Variants in VAV3 observed in about 807,000 individuals in gnomAD.
VAV3 encodes the protein vav guanine nucleotide exchange factor 3.
Under a neutral mutation model 131.2 loss-of-function variants are expected in VAV3, and 94 were observed. That is an observed-to-expected ratio of 0.72 (90% CI 0.61 to 0.85). The LOEUF is 0.85. Among genes scored for constraint, VAV3 ranks in the 40% least tolerant of loss-of-function variants. The pLI, the probability that VAV3 is intolerant of heterozygous loss-of-function variation, is 0.00. For missense variants in VAV3, 939 were observed against 1,002.7 expected (o/e 0.94, Z 0.86); for synonymous variants, 349 against 342.0 (o/e 1.02, Z -0.22).
intron 25 of VAV3, chr1:107,578,618 C>CT (rs1284246653): frequency 7.7e-5 from 15 of 193,562 alleles, no homozygotes; most frequent in Non-Finnish European, 1.3e-4. Flanking sequence ...TTCTTTCTTT[C>CT]TTTTTTTTGA....
At chr1:107,660,808 G>A (rs1656955107) in intron 19 of VAV3, among the ~76,000 whole-genome samples, 1 of 152,076 alleles carries the variant, frequency 6.6e-6, no homozygotes, top group African/African-American at 2.4e-5. Flanking sequence ...ACAGGGAAAA[G>A]GAAAATTATA....
chr1:107,703,239 A>T (rs1272097402), intron 17 of VAV3, among the ~76,000 whole-genome samples: 3 of 152,166 alleles, frequency 2.0e-5, no homozygotes, highest in Non-Finnish European at 4.4e-5. Flanking sequence ...GATAAATTCT[A>T]TTGGGGTGGC....
chr1:107,817,770 G>T lies in VAV3; in HGVS notation c.322-38278C>A, dbSNP rs540525496. 3.3e-5 allele frequency among the ~76,000 whole-genome samples: 5 copies of T among 152,170 alleles called. No homozygotes were observed. The South Asian group carries it at 1.0e-3, about 32-fold the overall frequency. On this transcript the variant is annotated intron_variant, in intron 2 of 26. Transcript: ENST00000370056. ...GACAGGACCACATCAGTCAGAGCTA[G>T]CATAAACCTATAGTTGTGCCAAGGC...
chr1:107,613,532 T>C (rs997396638), intron 21 of VAV3, among the ~76,000 whole-genome samples: 3 of 152,170 alleles, frequency 2.0e-5, no homozygotes, highest in Non-Finnish European at 4.4e-5. Context: ...ATCATTTTCA[T>C]ATATACCCAA....
At chr1:107,593,014 T>C (rs1162810832) in intron 25 of VAV3, among the ~76,000 whole-genome samples, 1 of 152,126 alleles carries the variant, frequency 6.6e-6, no homozygotes, top group Non-Finnish European at 1.5e-5. Context: ...CTGAGTTCTC[T>C]CTTTGTTCTT....
intron 25 of VAV3, among the ~76,000 whole-genome samples, chr1:107,591,115 T>C (rs964898183): frequency 6.6e-6 from 1 of 152,068 alleles, no homozygotes; most frequent in African/African-American, 2.4e-5. Flanking sequence ...GCTATGCAGG[T>C]TCCCTATTGG....
intron 23 of VAV3, 67 bp from the exon 24 acceptor site, chr1:107,602,551 A>C: frequency 8.1e-7 from 1 of 1,231,930 alleles, no homozygotes; most frequent in Non-Finnish European, 1.1e-6. Flanking sequence ...TAATTACCAG[A>C]GGGCATGCCC....
chr1:107,808,139 T>C (rs1401320133), intron 2 of VAV3, among the ~76,000 whole-genome samples: 1 of 152,152 alleles, frequency 6.6e-6, no homozygotes, highest in Non-Finnish European at 1.5e-5. Context: ...CTGGGAAGCT[T>C]TGCTGACATA....
chr1:107,826,977 T>C (rs1195254524), intron 2 of VAV3, among the ~76,000 whole-genome samples: 1 of 152,182 alleles, frequency 6.6e-6, no homozygotes, highest in Non-Finnish European at 1.5e-5. Context: ...CCATTTGCTG[T>C]ATAAATCTTA....
At position 107,766,478 on chromosome 1, in the gene VAV3, A is replaced by G. The variant is rs761344285; in HGVS notation, c.790T>C (p.Leu264=). ...DSIVNKNDQN[L]YQVFINYKER... ...TTGTAGTTAATAAAAACTTGGTACA[A>G]GTTCTGGTCATTTTTATTTACAATG... Residue 264 remains leucine, a synonymous_variant, in exon 8 of 27, where the codon TTG becomes CTG. Coordinates refer to ENST00000370056, the MANE Select transcript of VAV3 (RefSeq NM_006113.5). 3 of 1,613,300 alleles carry G rather than the reference A, an allele frequency of 1.9e-6. No individual in the cohort carries two copies. In the South Asian group the frequency reaches 3.3e-5, roughly 18 times the overall value.
At chr1:107,629,415 A>C (rs1205554337) in intron 20 of VAV3, among the ~76,000 whole-genome samples, 1 of 152,218 alleles carries the variant, frequency 6.6e-6, no homozygotes, top group Non-Finnish European at 1.5e-5. Context: ...CTTTTTTATC[A>C]CATATTGCAA....
chr1:107,580,344 C>A (rs1052102632), intron 25 of VAV3, among the ~76,000 whole-genome samples: 1 of 152,146 alleles, frequency 6.6e-6, no homozygotes, highest in South Asian at 2.1e-4. Context: ...GCAAAGAAAG[C>A]GAAATATATT....
chr1:107,573,430 A>T, intron 26 of VAV3, 58 bp from the exon 27 acceptor site: 1 of 1,603,872 alleles, frequency 6.2e-7, no homozygotes, highest in East Asian at 2.2e-5. Context: ...ACTTCAAAGG[A>T]TTCTACAAAC....
chr1:107,596,163 C>G (rs1380176495), intron 25 of VAV3, 49 bp downstream of exon 25: 1 of 1,591,928 alleles, frequency 6.3e-7, no homozygotes, highest in Non-Finnish European at 8.6e-7. Context: ...GTTATTGTGC[C>G]CCTAATTTTT....
intron 25 of VAV3, 104 bp downstream of exon 25, chr1:107,596,108 G>C: frequency 7.0e-7 from 1 of 1,437,238 alleles, no homozygotes; most frequent in South Asian, 1.4e-5. Flanking sequence ...ATGCATTAGC[G>C]CATCCATTGG....
At chr1:107,940,651 A>C (rs535898254) in intron 1 of VAV3, among the ~76,000 whole-genome samples, 2 of 152,338 alleles carry the variant, frequency 1.3e-5, no homozygotes, top group East Asian at 3.9e-4. Flanking sequence ...TAGCCTTAGA[A>C]AGGAAAGAAA....
chr1:107,632,728 T>C (rs550648542), intron 20 of VAV3, among the ~76,000 whole-genome samples: 21 of 152,352 alleles, frequency 1.4e-4, no homozygotes, highest in Admixed American at 1.3e-3. Flanking sequence ...ATTGAAGTGT[T>C]AGCAGTGTCT....
chr1:107,926,384 G>A (rs938605362), intron 1 of VAV3, among the ~76,000 whole-genome samples: 1 of 152,178 alleles, frequency 6.6e-6, no homozygotes, highest in African/African-American at 2.4e-5. Flanking sequence ...AGGGGGTAGA[G>A]CAAGATGGTG....
At chr1:107,797,863 TG>T (rs981025013) in intron 2 of VAV3, among the ~76,000 whole-genome samples, 1 of 152,216 alleles carries the variant, frequency 6.6e-6, no homozygotes, top group African/African-American at 2.4e-5. Context: ...AATAGATTGC[TG>T]GGCTTCACCA....
Sources: gnomAD v4.1 joint callset for allele counts (sites outside exome capture counted in the v4.1 genomes callset) on GRCh38, gnomAD v4.1.1 for gene constraint, MANE v1.5 for transcripts, NCBI Gene and HGNC (gene_info 2026-07-23, HGNC 2026-07-21) for gene names.